Variants in FABP5 observed in about 807,000 individuals in gnomAD.
The protein encoded by FABP5 is fatty acid-binding protein 5.
In FABP5, 7 loss-of-function variants were observed where a neutral mutation model predicts 16.9. That is an observed-to-expected ratio of 0.41 (90% CI 0.24 to 0.78). The LOEUF (loss-of-function observed/expected upper bound fraction) is 0.78. Among genes scored for constraint, FABP5 ranks in the 30% least tolerant of loss-of-function variants. The pLI is 0.30. For missense variants in FABP5, 119 were observed against 159.5 expected (o/e 0.75, Z 1.37); for synonymous variants, 37 against 52.8 (o/e 0.70, Z 1.30).
rs757793202 is a variant in FABP5 at position 81,283,942 on chromosome 8, A to G, written c.322A>G (p.Thr108Ala). ...QEWDGKESTITRKLKDGKLVV... is the reference protein window; with the variant it reads ...QEWDGKESTIARKLKDGKLVV... ...GTGGGATGGGAAGGAAAGCACAATA[A>G]CAAGAAAATTGAAAGATGGGAAATT... The change falls in exon 3 of 4, where the codon ACA becomes GCA. Residue 108 changes from threonine to alanine, a missense_variant. By Grantham distance (58) the Thr-to-Ala change is moderately conservative. Transcript: ENST00000297258. 23 of 1,611,468 alleles carry G rather than the reference A, an allele frequency of 1.4e-5. No individual in the cohort carries two copies. Among genetic ancestry groups the G allele is most frequent in the Non-Finnish European group, 2.0e-5 (23 of 1,178,932 alleles).
intron 2 of FABP5, 52 bp from the exon 3 acceptor site, chr8:81,283,821 G>C (rs182371778): frequency 3.0e-5 from 43 of 1,454,024 alleles, no homozygotes; most frequent in Admixed American, 5.5e-5. Context: ...ATGAGTCATG[G>C]AAACTCTTGT....
At position 81,280,576 on chromosome 8, in the gene FABP5, C is replaced by G. The variant is rs376664642; in HGVS notation, c.-20C>G. 1.9e-6 allele frequency: 3 copies of G among 1,550,238 alleles called. No individual in the cohort carries two copies. The highest frequency in any genetic ancestry group is 1.7e-6 in the Non-Finnish European group (2 of 1,146,250). On this transcript the variant is annotated 5_prime_UTR_variant, in exon 1 of 4. Transcript: ENST00000297258. ...GCCGACGCAGACCCCTCTCTGCACG[C>G]CAGCCCGCCCGCACCCACCATGGCC...
At position 81,281,208 on chromosome 8, in the gene FABP5, TG is replaced by T; in HGVS notation, c.79+538del. 1 of 409,278 alleles carries T rather than the reference TG, an allele frequency of 2.4e-6. No homozygotes were observed. Among genetic ancestry groups the T allele is most frequent in the Non-Finnish European group, 3.3e-6 (1 of 302,902 alleles). 25.4% of individuals were successfully genotyped at this position (409,278 alleles called of 1,614,324 possible). A position where few individuals can be genotyped will look rare whatever the true frequency, so the allele number is the denominator to read the frequency against. Reference sequence around the variant, plus strand: ...CGCAGGTCACCCTCCGTTTTCTTCATGGGGACGCGGTGCTGGCGCGCAGTTT... The same window carrying T: ...CGCAGGTCACCCTCCGTTTTCTTCATGGGACGCGGTGCTGGCGCGCAGTTT... On this transcript the variant is annotated intron_variant, in intron 1 of 3. Coordinates refer to ENST00000297258, the MANE Select transcript of FABP5 (RefSeq NM_001444.3). The surrounding 1 kb of genome is among the most constrained non-coding windows in gnomAD (Gnocchi z 4.5).
rs370800809 is a variant in FABP5 at position 81,284,569 on chromosome 8, A to G, written c.*2A>G. 917 of 1,554,304 alleles carry G rather than the reference A, an allele frequency of 5.9e-4. 16 individuals are homozygous for G. The South Asian group carries it at 9.1e-3, about 15-fold the overall frequency. On this transcript the variant is annotated 3_prime_UTR_variant, in exon 4 of 4. Coordinates refer to ENST00000297258, the MANE Select transcript of FABP5 (RefSeq NM_001444.3). ...CGGATCTATGAAAAAGTAGAATAAA[A>G]ATTCCATCATCACTTTGGACAGGAG...
At chr8:81,282,390 T>G (rs952817048) in intron 1 of FABP5, among the ~76,000 whole-genome samples, 12 of 152,138 alleles carry the variant, frequency 7.9e-5, no homozygotes, top group African/African-American at 2.7e-4. Flanking sequence ...ATGACTCAAT[T>G]AACAGCATAA....
intron 1 of FABP5, chr8:81,280,926 C>G: frequency 2.0e-6 from 1 of 492,848 alleles, no homozygotes; most frequent in East Asian, 3.6e-5. Context: ...TGGTCCACCC[C>G]GTGGTCCACC....
At chr8:81,283,272 G>T in intron 1 of FABP5, 94 bp from the exon 2 acceptor site, 1 of 1,064,280 alleles carries the variant, frequency 9.4e-7, no homozygotes, top group Non-Finnish European at 1.3e-6. Context: ...GTGAAAATAT[G>T]CCGCACAAAG....
chr8:81,281,568 A>T lies in FABP5; in HGVS notation c.79+894A>T. On this transcript the variant is annotated intron_variant, in intron 1 of 3. Transcript: ENST00000297258. This position sits in a 1 kb window ranked among gnomAD's most constrained non-coding sequence, Gnocchi z 4.5. ...GTGGGCTTTGCTGGAAAACCGTAACAGAAACTGCCTGGCCCTCCTGCGGCT... is the reference window on the plus strand; with the variant it reads ...GTGGGCTTTGCTGGAAAACCGTAACTGAAACTGCCTGGCCCTCCTGCGGCT... 1.0e-6 allele frequency: 1 copy of T among 985,718 alleles called. No individual in the cohort carries two copies. The highest frequency in any genetic ancestry group is 1.2e-6 in the Non-Finnish European group (1 of 830,144). 61.1% of individuals were successfully genotyped at this position (985,718 alleles called of 1,614,324 possible). A position where few individuals can be genotyped will look rare whatever the true frequency, so the allele number is the denominator to read the frequency against.
At chr8:81,284,368 C>G in intron 3 of FABP5, 146 bp from the exon 4 acceptor site, 1 of 602,758 alleles carries the variant, frequency 1.7e-6, no homozygotes, top group Non-Finnish European at 2.9e-6. Context: ...TGGCTTCTCT[C>G]AAACCCGTGA....
intron 1 of FABP5, 74 bp downstream of exon 1, chr8:81,280,748 G>A: frequency 1.4e-6 from 2 of 1,384,778 alleles, no homozygotes; most frequent in Non-Finnish European, 2.0e-6. Context: ...CCCCGTCAGC[G>A]TGCCAGATTC....
intron 1 of FABP5, 89 bp from the exon 2 acceptor site, chr8:81,283,277 A>G: frequency 3.5e-6 from 4 of 1,138,644 alleles, no homozygotes; most frequent in Non-Finnish European, 3.7e-6. Context: ...AATATGCCGC[A>G]CAAAGTGATT....
In FABP5 at chr8:81,280,585, C is replaced by T; in HGVS notation, c.-11C>T. ...GACCCCTCTCTGCACGCCAGCCCGC[C>T]CGCACCCACCATGGCCACAGTTCAG... is the stretch of plus-strand genomic sequence containing the variant. On this transcript the variant is annotated 5_prime_UTR_variant, in exon 1 of 4. Transcript: ENST00000297258. 1.3e-6 allele frequency: 2 copies of T among 1,552,348 alleles called. No individual in the cohort carries two copies. The highest frequency in any genetic ancestry group is 1.7e-6 in the Non-Finnish European group (2 of 1,147,194).
Position 81,280,637 on chromosome 8 carries a change from G to T in FABP5, c.42G>T (p.Val14=). The T allele has an allele frequency of 1.3e-6, 2 of 1,560,234 alleles. No individual in the cohort carries two copies. The highest frequency in any genetic ancestry group is 1.7e-6 in the Non-Finnish European group (2 of 1,151,300). ...AGCTGGAAGGAAGATGGCGCCTGGT[G>T]GACAGCAAAGGCTTTGATGAATACA... ...VQQLEGRWRL[V]DSKGFDEYMK... The change falls in exon 1 of 4, where the codon GTG becomes GTT. Residue 14 remains valine, a synonymous_variant. Coordinates refer to ENST00000297258, the MANE Select transcript of FABP5 (RefSeq NM_001444.3).
Position 81,283,859 on chromosome 8 carries a change from C to T in FABP5, c.253-14C>T. 1 of 1,603,076 alleles carries T rather than the reference C, an allele frequency of 6.2e-7. No homozygotes were observed. The highest frequency in any genetic ancestry group is 1.1e-5 in the South Asian group (1 of 89,762). Reference sequence around the variant, plus strand: ...TGTACTTGGAAGATTAAAACGTTTACTTTGTTTTTGCAGACTGTCTGCAAC... The same window carrying T: ...TGTACTTGGAAGATTAAAACGTTTATTTTGTTTTTGCAGACTGTCTGCAAC... On this transcript the variant is annotated splice_polypyrimidine_tract_variant and intron_variant, in intron 2 of 3. Transcript: ENST00000297258.
At chr8:81,284,242 C>T in intron 3 of FABP5, 1 of 538,606 alleles carries the variant, frequency 1.9e-6, no homozygotes. Context: ...CCAAACTGCA[C>T]ACATTTTTCT....
At chr8:81,283,646 A>C in intron 2 of FABP5, 108 bp downstream of exon 2, 2 of 1,261,994 alleles carry the variant, frequency 1.6e-6, no homozygotes, top group Non-Finnish European at 2.2e-6. Flanking sequence ...TTATTTTATG[A>C]ATTGAATTTT....
chr8:81,281,345 A>T lies in FABP5; in HGVS notation c.79+671A>T. 1.0e-6 allele frequency: 1 copy of T among 985,418 alleles called. No homozygotes were observed. Among genetic ancestry groups the T allele is most frequent in the Non-Finnish European group, 1.2e-6 (1 of 830,040 alleles). The allele number at this position is 985,418 out of a possible 1,614,324, so 61.0% of individuals were successfully genotyped here. ...TGCTCGCCCTTACCAGTTGAGCCGA[A>T]CCCTTTGGATTGGTACCCCATGGAA... On this transcript the variant is annotated intron_variant, in intron 1 of 3. Transcript: ENST00000297258. The surrounding 1 kb of genome is among the most constrained non-coding windows in gnomAD (Gnocchi z 4.5).
intron 1 of FABP5, among the ~76,000 whole-genome samples, chr8:81,282,357 T>C (rs1807844636): frequency 6.6e-6 from 1 of 152,186 alleles, no homozygotes; most frequent in Admixed American, 6.5e-5. Flanking sequence ...AGCCCATTTA[T>C]TTGTCCAAAG....
In FABP5 at chr8:81,281,238, G is replaced by C. The variant is rs1008451820; in HGVS notation, c.79+564G>C. The C allele has an allele frequency of 6.3e-5, 44 of 697,338 alleles. No homozygotes were observed. The African/African-American group carries it at 7.6e-4, about 12-fold the overall frequency. 43.2% of individuals were successfully genotyped at this position (697,338 alleles called of 1,614,324 possible). On this transcript the variant is annotated intron_variant, in intron 1 of 3. Coordinates refer to ENST00000297258, the MANE Select transcript of FABP5 (RefSeq NM_001444.3). The surrounding 1 kb of genome is among the most constrained non-coding windows in gnomAD (Gnocchi z 4.5). ...ACGCGGTGCTGGCGCGCAGTTTCCC[G>C]CAGAAATCCTGTGGAGGGGTCTGAG...
Sources: allele counts gnomAD v4.1 joint callset (sites outside exome capture counted in the v4.1 genomes callset), GRCh38; gene constraint gnomAD v4.1.1; non-coding constraint Gnocchi (gnomAD v3.1); transcripts MANE v1.5; gene names NCBI Gene and HGNC (gene_info 2026-07-23, HGNC 2026-07-21).